The following LRRTM4 variants were observed in gnomAD, a reference collection of about 807,000 sequenced individuals.
LRRTM4 encodes the protein leucine rich repeat transmembrane neuronal 4, also known as leucine-rich repeat transmembrane neuronal protein 4.
A neutral mutation model predicts 47.6 loss-of-function variants in LRRTM4; 25 were observed. The ratio of observed to expected loss-of-function variants is 0.53; its 90% confidence interval spans 0.38 to 0.73. The LOEUF (loss-of-function observed/expected upper bound fraction) is 0.73. LRRTM4 is among the 30% of genes least tolerant of loss of function. The pLI, the probability that LRRTM4 is intolerant of heterozygous loss-of-function variation, is 0.00. For synonymous variants in LRRTM4, 311 were observed against 269.5 expected (o/e 1.15, Z -1.51); for missense variants, 638 against 713.4 (o/e 0.89, Z 1.20).
intron 3 of LRRTM4, among the ~76,000 whole-genome samples, chr2:76,979,656 T>C (rs914717191): frequency 4.7e-5 from 7 of 150,134 alleles, no homozygotes; most frequent in African/African-American, 1.7e-4. Flanking sequence ...CTGCAAGAGC[T>C]TGGTTGTGTT....
At chr2:77,355,615 G>A (rs1671938734) in intron 3 of LRRTM4, among the ~76,000 whole-genome samples, 1 of 152,144 alleles carries the variant, frequency 6.6e-6, no homozygotes, top group Non-Finnish European at 1.5e-5. Context: ...TTCAACCAAG[G>A]AGAATAAAGC....
chr2:77,151,468 CAGGTTCTCAAAG>C (rs1415188457), intron 3 of LRRTM4, among the ~76,000 whole-genome samples: 8 of 152,158 alleles, frequency 5.3e-5, no homozygotes, highest in African/African-American at 1.9e-4. Context: ...ATACTGGAAT[CAGGTTCTCAAAG>C]AGGTTCATTG....
intron 3 of LRRTM4, among the ~76,000 whole-genome samples, chr2:77,188,242 C>T (rs1320782448): frequency 6.6e-6 from 1 of 152,188 alleles, no homozygotes; most frequent in Non-Finnish European, 1.5e-5. Flanking sequence ...ACACTCATCT[C>T]TTGTTTTCTA....
intron 3 of LRRTM4, among the ~76,000 whole-genome samples, chr2:77,404,477 A>C (rs1674088462): frequency 6.6e-6 from 1 of 152,082 alleles, no homozygotes; most frequent in South Asian, 2.1e-4. Context: ...ACATTTCAGA[A>C]AATGACACAC....
intron 3 of LRRTM4, among the ~76,000 whole-genome samples, chr2:76,781,474 C>T (rs976283331): frequency 1.3e-5 from 2 of 152,218 alleles, no homozygotes; most frequent in African/African-American, 4.8e-5. Flanking sequence ...TTTTTTAAGC[C>T]CGTCTGAAAA....
At chr2:77,062,685 C>CT (rs1224716323) in intron 3 of LRRTM4, among the ~76,000 whole-genome samples, 1 of 152,068 alleles carries the variant, frequency 6.6e-6, no homozygotes, top group Admixed American at 6.6e-5. Flanking sequence ...GTCTCTGTCT[C>CT]TATCTCTTCC....
intron 3 of LRRTM4, among the ~76,000 whole-genome samples, chr2:77,470,477 C>T (rs919467129): frequency 1.5e-4 from 23 of 152,040 alleles, no homozygotes; most frequent in African/African-American, 4.1e-4. Context: ...TACTAAACTA[C>T]GAGAAGGCAT....
At chr2:76,968,373 T>C (rs1189401679) in intron 3 of LRRTM4, among the ~76,000 whole-genome samples, 9 of 133,668 alleles carry the variant, frequency 6.7e-5, no homozygotes, top group African/African-American at 2.1e-4. Context: ...TATATATATA[T>C]ATATATATAT....
At chr2:76,902,225 C>T (rs1344399623) in intron 3 of LRRTM4, among the ~76,000 whole-genome samples, 1 of 152,138 alleles carries the variant, frequency 6.6e-6, no homozygotes, top group African/African-American at 2.4e-5. Flanking sequence ...TTTTACAGCA[C>T]TCTGGCCCTC....
intron 3 of LRRTM4, among the ~76,000 whole-genome samples, chr2:77,177,413 A>T (rs1355136565): frequency 6.6e-6 from 1 of 152,134 alleles, no homozygotes; most frequent in East Asian, 1.9e-4. Flanking sequence ...CTGTATCCAA[A>T]ATGTGAGGAG....
At chr2:77,478,791 T>C (rs1187785620) in intron 3 of LRRTM4, among the ~76,000 whole-genome samples, 1 of 152,216 alleles carries the variant, frequency 6.6e-6, no homozygotes, top group Non-Finnish European at 1.5e-5. Context: ...TTGCCACAGA[T>C]GTATTCAGAG....
intron 3 of LRRTM4, among the ~76,000 whole-genome samples, chr2:76,886,757 T>A (rs1673087901): frequency 6.6e-6 from 1 of 152,022 alleles, no homozygotes; most frequent in Non-Finnish European, 1.5e-5. Context: ...AAATGCCTCA[T>A]AAAATTTTTA....
At chr2:76,903,548 A>AACAAAAAAGAAGAACAAACAAAACAAC (rs1673717852) in intron 3 of LRRTM4, among the ~76,000 whole-genome samples, 1 of 152,168 alleles carries the variant, frequency 6.6e-6, no homozygotes, top group Non-Finnish European at 1.5e-5. Flanking sequence ...AACAAAACAA[A>AACAAAAAAGAAGAACAAACAAAACAAC]ACAAAAAAGA....
intron 3 of LRRTM4, among the ~76,000 whole-genome samples, chr2:76,920,133 TACAGGTG>T (rs1674386990): frequency 6.6e-6 from 1 of 152,174 alleles, no homozygotes; most frequent in South Asian, 2.1e-4. Flanking sequence ...GCCTGGCATC[TACAGGTG>T]ATAAAAATCA....
intron 3 of LRRTM4, among the ~76,000 whole-genome samples, chr2:76,808,235 G>T (rs1463667207): frequency 6.6e-6 from 1 of 151,794 alleles, no homozygotes; most frequent in African/African-American, 2.4e-5. Flanking sequence ...GGTCAGGCTG[G>T]TCTCGAACTC....
chr2:77,292,206 G>C (rs2104132589), intron 3 of LRRTM4, among the ~76,000 whole-genome samples: 1 of 150,100 alleles, frequency 6.7e-6, no homozygotes, highest in East Asian at 2.0e-4. Flanking sequence ...AACAGGTGCT[G>C]GAGAGGATGT....
intron 3 of LRRTM4, among the ~76,000 whole-genome samples, chr2:76,777,619 G>T (rs1288533933): frequency 6.7e-6 from 1 of 149,938 alleles, no homozygotes; most frequent in South Asian, 2.2e-4. Flanking sequence ...TGTATCCTGA[G>T]ACTTTGCTGA....
chr2:77,474,544 A>C (rs1280912339), intron 3 of LRRTM4, among the ~76,000 whole-genome samples: 2 of 152,148 alleles, frequency 1.3e-5, no homozygotes, highest in Non-Finnish European at 2.9e-5. Flanking sequence ...AAAGACCAAA[A>C]CTTGTATAAA....
intron 3 of LRRTM4, among the ~76,000 whole-genome samples, chr2:76,761,707 C>T (rs548352503): frequency 6.6e-6 from 1 of 152,286 alleles, no homozygotes; most frequent in East Asian, 1.9e-4. Flanking sequence ...AATAAGGACT[C>T]TCACTGTTGA....
Sources: gnomAD v4.1 joint callset for allele counts (sites outside exome capture counted in the v4.1 genomes callset) on GRCh38, gnomAD v4.1.1 for gene constraint, MANE v1.5 for transcripts, NCBI Gene and HGNC (gene_info 2026-07-23, HGNC 2026-07-21) for gene names.